KHDRBS2: variants seen among roughly 807,000 people sequenced by gnomAD.
The protein encoded by KHDRBS2 is KH domain-containing, RNA-binding, signal transduction-associated protein 2.
Under a neutral mutation model 44.3 loss-of-function variants are expected in KHDRBS2, and 26 were observed. That is an observed-to-expected ratio of 0.59 (90% CI 0.43 to 0.81). The LOEUF (loss-of-function observed/expected upper bound fraction) is 0.81, where lower values mean the gene tolerates loss of function less well. Among genes scored for constraint, KHDRBS2 ranks in the 40% least tolerant of loss-of-function variants. KHDRBS2 has a pLI of 0.00. For synonymous variants in KHDRBS2, 194 were observed against 151.1 expected (o/e 1.28, Z -2.08); for missense variants, 476 against 433.1 (o/e 1.10, Z -0.88).
At chr6:61,991,084 G>T (rs1483519851) in intron 3 of KHDRBS2, among the ~76,000 whole-genome samples, 1 of 152,118 alleles carries the variant, frequency 6.6e-6, no homozygotes, top group Non-Finnish European at 1.5e-5. Context: ...GTATAATAAG[G>T]TGATGTGTCA....
At chr6:61,948,095 C>G (rs931138032) in intron 4 of KHDRBS2, among the ~76,000 whole-genome samples, 1 of 151,724 alleles carries the variant, frequency 6.6e-6, no homozygotes, top group African/African-American at 2.4e-5. Flanking sequence ...GCCTGTGAAG[C>G]CTGGCATTTT....
At chr6:61,674,609 T>C in the KHDRBS2 span, among the ~76,000 whole-genome samples, 1 of 151,774 alleles carries the variant, frequency 6.6e-6, no homozygotes, top group Non-Finnish European at 1.5e-5. Flanking sequence ...TTGTTATTAA[T>C]GCTATATACC....
intron 7 of KHDRBS2, among the ~76,000 whole-genome samples, chr6:61,703,372 C>A (rs1768988581): frequency 6.6e-6 from 1 of 151,536 alleles, no homozygotes; most frequent in South Asian, 2.1e-4. Flanking sequence ...TATAATCAAG[C>A]CAATTAACTT....
Position 62,184,178 on chromosome 6 carries a change from T to C in KHDRBS2, c.92-6866A>G, listed in dbSNP as rs115283426. On this transcript the variant is annotated intron_variant, in intron 1 of 8. Coordinates refer to ENST00000281156, the MANE Select transcript of KHDRBS2 (RefSeq NM_152688.4). ...GAAAATTTAGAGATTATGTATACTA[T>C]ATTATAATAAGCTTCCATCACTTCG... is the stretch of plus-strand genomic sequence containing the variant. 9.2e-3 allele frequency among the ~76,000 whole-genome samples: 1,397 copies of C among 151,848 alleles called. 6 individuals carry two copies. Among genetic ancestry groups the C allele is most frequent in the South Asian group, 0.019 (93 of 4,824 alleles).
chr6:62,169,683 T>C (rs759687379), intron 2 of KHDRBS2, among the ~76,000 whole-genome samples: 6 of 152,018 alleles, frequency 3.9e-5, no homozygotes, highest in Non-Finnish European at 7.4e-5. Flanking sequence ...CAGGGACCTG[T>C]GCAAGACTAG....
intron 3 of KHDRBS2, among the ~76,000 whole-genome samples, chr6:62,034,890 C>T (rs1310916393): frequency 6.6e-6 from 1 of 151,606 alleles, no homozygotes; most frequent in Non-Finnish European, 1.5e-5. Context: ...AAAAGGTGTC[C>T]ACATCATTGA....
chr6:61,701,149 A>G (rs910133460), intron 7 of KHDRBS2, among the ~76,000 whole-genome samples: 1 of 151,896 alleles, frequency 6.6e-6, no homozygotes, highest in Non-Finnish European at 1.5e-5. Context: ...GGGCCTGGAT[A>G]TACTTTGCTC....
chr6:61,634,125 T>C, the KHDRBS2 span, among the ~76,000 whole-genome samples: 10 of 152,046 alleles, frequency 6.6e-5, no homozygotes, highest in Middle Eastern at 3.2e-3. Context: ...TTTAGTTCAA[T>C]ATAAACTTAA....
intron 4 of KHDRBS2, among the ~76,000 whole-genome samples, chr6:61,930,804 C>T (rs1330648548): frequency 6.6e-6 from 1 of 151,882 alleles, no homozygotes; most frequent in Admixed American, 6.6e-5. Context: ...GATGAGTTTA[C>T]CTAAGCAACT....
chr6:62,044,075 AT>A (rs1192367096), intron 3 of KHDRBS2, among the ~76,000 whole-genome samples: 4 of 151,908 alleles, frequency 2.6e-5, no homozygotes, highest in Admixed American at 6.6e-5. Context: ...AATATTTTTG[AT>A]TTTTTTCCCT....
At chr6:62,204,896 C>G (rs73493318) in intron 1 of KHDRBS2, among the ~76,000 whole-genome samples, 8 of 152,046 alleles carry the variant, frequency 5.3e-5, no homozygotes, top group African/African-American at 1.9e-4. Flanking sequence ...TATAAATGGG[C>G]CTATGTAGTT....
chr6:61,777,613 G>T (rs1252622783), intron 6 of KHDRBS2, among the ~76,000 whole-genome samples: 4 of 152,134 alleles, frequency 2.6e-5, no homozygotes, highest in Non-Finnish European at 5.9e-5. Flanking sequence ...GAAGCCTCCA[G>T]AGAGTTCCAT....
At chr6:61,545,219 G>A in the KHDRBS2 span, among the ~76,000 whole-genome samples, 1 of 152,130 alleles carries the variant, frequency 6.6e-6, no homozygotes, top group East Asian at 1.9e-4. Context: ...GCTGAGGTGG[G>A]AGGACCACTT....
chr6:61,552,393 CAGCTCAAGG>C, the KHDRBS2 span, among the ~76,000 whole-genome samples: 1 of 152,140 alleles, frequency 6.6e-6, no homozygotes, highest in South Asian at 2.1e-4. Flanking sequence ...AGTTATTTAT[CAGCTCAAGG>C]AGCTTTTGGG....
intron 1 of KHDRBS2, among the ~76,000 whole-genome samples, chr6:62,199,324 T>C (rs1826399106): frequency 6.6e-6 from 1 of 152,154 alleles, no homozygotes; most frequent in South Asian, 2.1e-4. Context: ...GACATGATTG[T>C]ATATCTAGAA....
At chr6:61,632,582 T>C in the KHDRBS2 span, among the ~76,000 whole-genome samples, 1 of 152,144 alleles carries the variant, frequency 6.6e-6, no homozygotes, top group Non-Finnish European at 1.5e-5. Context: ...TTCAGGCAAT[T>C]GATTGTGAAT....
chr6:62,254,026 C>T (rs1392982743), intron 1 of KHDRBS2, among the ~76,000 whole-genome samples: 4 of 152,118 alleles, frequency 2.6e-5, no homozygotes, highest in Non-Finnish European at 5.9e-5. Context: ...TGATCCACAA[C>T]ATCACTGTTG....
At chr6:62,285,738 A>AG (rs1450885450) in intron 1 of KHDRBS2, 120 bp downstream of exon 1, 19 of 660,156 alleles carry the variant, frequency 2.9e-5, no homozygotes, top group Non-Finnish European at 4.7e-5. Context: ...GAGCATCTTC[A>AG]GGGGGACAGT....
the KHDRBS2 span, among the ~76,000 whole-genome samples, chr6:61,657,432 C>T: frequency 2.6e-5 from 4 of 151,944 alleles, no homozygotes; most frequent in African/African-American, 9.7e-5. Context: ...GAACATCTGA[C>T]ATCGTTTCCA....
Sources: gnomAD v4.1 joint callset for allele counts (sites outside exome capture counted in the v4.1 genomes callset) on GRCh38, gnomAD v4.1.1 for gene constraint, MANE v1.5 for transcripts, NCBI Gene and HGNC (gene_info 2026-07-23, HGNC 2026-07-21) for gene names.